Variants in ATM observed in about 807,000 individuals in gnomAD.
ATM encodes ATM serine/threonine kinase, also known as serine-protein kinase ATM.
A neutral mutation model predicts 387.0 loss-of-function variants in ATM; 308 were observed. The ratio of observed to expected loss-of-function variants is 0.80; its 90% CI spans 0.73 to 0.87. ATM has a LOEUF of 0.87. ATM is among the 40% of genes least tolerant of loss of function. The probability of loss-of-function intolerance (pLI) is 0.00; values close to 1 mark genes in which losing one functional copy is unlikely to be tolerated. For synonymous variants in ATM, 1,156 were observed against 1,187.3 expected (o/e 0.97, Z 0.54); for missense variants, 3,312 against 3,560.9 (o/e 0.93, Z 1.78).
At position 108,330,217 on chromosome 11, in the gene ATM, C is replaced by A. The variant is rs763470424; in HGVS notation, c.7311C>A (p.Tyr2437Ter). The change falls in exon 50 of 63, where the codon TAC (tyrosine) becomes TAA (stop). Residue 2437 changes from tyrosine to a stop codon, truncating the protein, a stop_gained. Transcript: ENST00000675843. LOFTEE classifies it high-confidence loss of function. ...TACCTTAATTATTCTATGCAAGATA[C>A]ACAGTAAAGGTTCAGCGAGAGCTGG... ...LREHKIQTNR[Y>*]TVKVQRELEL... is the part of the protein sequence containing the mutation. 1.9e-6 allele frequency: 3 copies of A among 1,613,744 alleles called. No individual in the cohort carries two copies. Among genetic ancestry groups the A allele is most frequent in the South Asian group, 1.1e-5 (1 of 91,066 alleles).
chr11:108,336,056 G>T, intron 56 of ATM, 95 bp downstream of exon 56: 1 of 939,102 alleles, frequency 1.1e-6, no homozygotes, highest in South Asian at 1.4e-5. Context: ...TAATGCTTTG[G>T]GAGGCCAAGG....
At chr11:108,354,441 G>A (rs1020305190) in intron 60 of ATM, among the ~76,000 whole-genome samples, 2 of 152,190 alleles carry the variant, frequency 1.3e-5, no homozygotes, top group African/African-American at 4.8e-5. Flanking sequence ...AAGCTTTGCA[G>A]TTCCTTGTAG....
At chr11:108,269,847 G>A (rs116475646) in intron 18 of ATM, among the ~76,000 whole-genome samples, 98 of 152,306 alleles carry the variant, frequency 6.4e-4, no homozygotes, top group African/African-American at 2.2e-3. Context: ...AGACAAGTTT[G>A]GTTGTGCCCT....
chr11:108,264,320 G>C (rs1247899322), intron 16 of ATM, among the ~76,000 whole-genome samples: 1 of 152,132 alleles, frequency 6.6e-6, no homozygotes, highest in African/African-American at 2.4e-5. Context: ...TGCCAGGCTG[G>C]TTCAATGTAC....
At chr11:108,251,384 C>T (rs781460802) in intron 10 of ATM, among the ~76,000 whole-genome samples, 1 of 152,178 alleles carries the variant, frequency 6.6e-6, no homozygotes, top group African/African-American at 2.4e-5. Flanking sequence ...ATGACACACT[C>T]ATGTAGGGTG....
At chr11:108,293,269 A>G (rs1387919691) in intron 30 of ATM, 44 bp from the exon 31 acceptor site, 1 of 1,246,188 alleles carries the variant, frequency 8.0e-7, no homozygotes, top group Non-Finnish European at 1.1e-6. Context: ...TTACTTTAAA[A>G]TTATTTCTCT....
chr11:108,255,562 A>C (rs2080423460), intron 13 of ATM, among the ~76,000 whole-genome samples: 1 of 151,062 alleles, frequency 6.6e-6, no homozygotes, highest in Non-Finnish European at 1.5e-5. Context: ...AGTAGCTGAG[A>C]TTATAGGTGC....
intron 56 of ATM, among the ~76,000 whole-genome samples, chr11:108,340,920 T>G (rs1225268263): frequency 2.6e-5 from 4 of 152,332 alleles, no homozygotes; most frequent in East Asian, 3.9e-4. Context: ...TATTTTTTAT[T>G]GTATTGTTTT....
Position 108,289,763 on chromosome 11 carries a change from A to G in ATM, c.4398A>G (p.Arg1466=), listed in dbSNP as rs142728382. 13 of 1,613,444 alleles carry G rather than the reference A, an allele frequency of 8.1e-6. No homozygotes were observed. The highest frequency in any genetic ancestry group is 2.2e-5 in the South Asian group (2 of 91,034). ...GLGGAWAFVL[R]DVIYTLIHYI... is the part of the protein sequence containing the mutation. ...GAGGAGCTTGGGCCTTTGTTCTTCGAGACGTTATTTATACTTTGATTCACT... is the reference window on the plus strand; with the variant it reads ...GAGGAGCTTGGGCCTTTGTTCTTCGGGACGTTATTTATACTTTGATTCACT... Residue 1466 remains arginine (R), a synonymous_variant, in exon 29 of 63, where the codon CGA becomes CGG. Transcript: ENST00000675843.
At chr11:108,343,072 T>C in intron 56 of ATM, 150 bp from the exon 57 acceptor site, 2 of 996,900 alleles carry the variant, frequency 2.0e-6, no homozygotes, top group Middle Eastern at 3.1e-4. Context: ...TTCCGATTGG[T>C]TTCCTCCAAG....
At position 108,293,424 on chromosome 11, in the gene ATM, C is replaced by T. The variant is rs1408892416; in HGVS notation, c.4723C>T (p.Arg1575Cys). The T allele has an allele frequency of 1.2e-6, 2 of 1,612,344 alleles. No individual in the cohort carries two copies. The highest frequency in any genetic ancestry group is 1.7e-5 in the Admixed American group (1 of 59,960). The change falls in exon 31 of 63, where the codon CGT (arginine) becomes TGT (cysteine). Residue 1575 changes from arginine (R) to cysteine (C), a missense_variant. Arg to Cys is a radical substitution (Grantham distance 180). Coordinates refer to ENST00000675843, the MANE Select transcript of ATM (RefSeq NM_000051.4). ...FPDHVVFKDL[R>C]ITQQKIKYSR... ...TGACCATGTTGTTTTTAAGGATTTGCGTATTACTCAGCAAAAAATCAAATA... is the reference window on the plus strand; with the variant it reads ...TGACCATGTTGTTTTTAAGGATTTGTGTATTACTCAGCAAAAAATCAAATA...
At chr11:108,238,249 C>T (rs2079393588) in intron 5 of ATM, among the ~76,000 whole-genome samples, 2 of 151,816 alleles carry the variant, frequency 1.3e-5, no homozygotes, top group African/African-American at 4.8e-5. Context: ...TGATTTCTTT[C>T]ATTAGTGTTT....
intron 31 of ATM, 124 bp from the exon 32 acceptor site, chr11:108,294,803 A>G (rs2135830451): frequency 2.1e-6 from 2 of 955,062 alleles, no homozygotes; most frequent in South Asian, 1.4e-5. Context: ...TTCCTTGATT[A>G]GTAGTAATAG....
At chr11:108,356,733 A>T (rs2089973200) in intron 61 of ATM, among the ~76,000 whole-genome samples, 2 of 152,178 alleles carry the variant, frequency 1.3e-5, no homozygotes. Flanking sequence ...TTAGGGCCTC[A>T]GAAATCTTAC....
chr11:108,227,535 T>C (rs2135000721), intron 1 of ATM, 60 bp from the exon 2 acceptor site: 2 of 1,071,408 alleles, frequency 1.9e-6, no homozygotes, highest in Admixed American at 1.8e-5. Flanking sequence ...CACACCTCTT[T>C]CTCTCTATAT....
chr11:108,293,877 CAAAA>C (rs33977155), intron 31 of ATM, among the ~76,000 whole-genome samples: 2,069 of 106,036 alleles, frequency 0.02, 28 homozygotes, highest in Middle Eastern at 0.094. Context: ...GACCCTGTCT[CAAAA>C]AAAAAAAAAA....
In ATM at chr11:108,265,324, C is replaced by T. The variant is rs868023949; in HGVS notation, c.2467-1847C>T. Among the ~76,000 whole-genome samples the T allele has an allele frequency of 7.0e-3, 1,063 of 151,980 alleles. 4 individuals are homozygous for T. The highest frequency in any genetic ancestry group is 0.018 in the South Asian group (86 of 4,804). On this transcript the variant is annotated intron_variant, in intron 16 of 62. Transcript: ENST00000675843. ...AACAGAACAGAGCCCTCAGAAATAA[C>T]GCTGCATATCTACAACTATCTGCTC...
At chr11:108,360,712 T>C (rs1448264328) in intron 61 of ATM, among the ~76,000 whole-genome samples, 2 of 144,126 alleles carry the variant, frequency 1.4e-5, no homozygotes, top group Admixed American at 7.0e-5. Flanking sequence ...ATTATCTCAA[T>C]AGATGCAGAA....
chr11:108,225,308 C>CA (rs1466901113), intron 1 of ATM: 1 of 151,992 alleles, frequency 6.6e-6, no homozygotes, highest in Non-Finnish European at 1.5e-5. Context: ...AGTATATAAT[C>CA]AAATGAAAAG....
Sources: allele counts gnomAD v4.1 joint callset (sites outside exome capture counted in the v4.1 genomes callset), GRCh38; gene constraint gnomAD v4.1.1; transcripts MANE v1.5; gene names NCBI Gene and HGNC (gene_info 2026-07-23, HGNC 2026-07-21).